The following MAP3K15 variants were observed in gnomAD, a reference collection of about 807,000 sequenced individuals.
MAP3K15 encodes the protein mitogen-activated protein kinase kinase kinase 15.
A neutral mutation model predicts 99.5 loss-of-function variants in MAP3K15; 124 were observed. The ratio of observed to expected loss-of-function variants is 1.25; its 90% CI spans 1.08 to 1.45. The LOEUF (loss-of-function observed/expected upper bound fraction) is 1.45, where lower values mean the gene tolerates loss of function less well. MAP3K15 is among the 40% of genes most tolerant of loss of function. The probability of loss-of-function intolerance (pLI) is 0.00; values close to 1 mark genes in which losing one functional copy is unlikely to be tolerated. For synonymous variants in MAP3K15, 494 were observed against 439.6 expected, an observed-to-expected ratio of 1.12 and a Z score of -1.55; for missense variants, 1,242 against 1,079.7, an observed-to-expected ratio of 1.15 and a Z score of -2.11.
intron 3 of MAP3K15, among the ~76,000 whole-genome samples, chrX:19,472,822 C>T (rs776501103): frequency 3.5e-4 from 39 of 112,116 alleles, no homozygotes; most frequent in African/African-American, 9.7e-5. Context: ...GAAATTTTGA[C>T]GTTATTCCTT....
chrX:19,380,032 G>A, intron 19 of MAP3K15, 88 bp downstream of exon 19: 1 of 973,610 alleles, frequency 1.0e-6, no homozygotes, highest in Non-Finnish European at 1.4e-6. Context: ...TCCTACCTTT[G>A]TGGAGAGGTT....
chrX:19,408,277 T>G (rs1045449528), intron 12 of MAP3K15, among the ~76,000 whole-genome samples: 6 of 111,914 alleles, frequency 5.4e-5, no homozygotes, highest in Non-Finnish European at 1.1e-4. Flanking sequence ...AAATGGCACC[T>G]AGAGGTATCT....
At chrX:19,446,057 A>C (rs1290477397) in intron 6 of MAP3K15, among the ~76,000 whole-genome samples, 2 of 112,204 alleles carry the variant, frequency 1.8e-5, no homozygotes, top group Non-Finnish European at 3.8e-5. Flanking sequence ...ATTTGAGGAA[A>C]ATTTGGCATT....
At chrX:19,489,222 G>A (rs1003446502) in intron 1 of MAP3K15, among the ~76,000 whole-genome samples, 3 of 111,530 alleles carry the variant, frequency 2.7e-5, no homozygotes, top group Non-Finnish European at 3.8e-5. Context: ...GATTTTTAAT[G>A]TTATTTTTGT....
At chrX:19,436,085 C>T (rs1259869120) in intron 6 of MAP3K15, among the ~76,000 whole-genome samples, 1 of 105,645 alleles carries the variant, frequency 9.5e-6, no homozygotes, top group Non-Finnish European at 1.9e-5. Context: ...ACCCAGGAGG[C>T]GGAGGTTGCA....
chrX:19,426,178 T>G (rs1161846547), intron 8 of MAP3K15, 53 bp downstream of exon 8: 1 of 648,494 alleles, frequency 1.5e-6, no homozygotes, highest in Non-Finnish European at 2.2e-6. Context: ...TAACTTTTAA[T>G]GCCAAACTTG....
chrX:19,446,461 A>C (rs1250707891), intron 6 of MAP3K15, among the ~76,000 whole-genome samples: 1 of 111,920 alleles, frequency 8.9e-6, no homozygotes, highest in Non-Finnish European at 1.9e-5. Flanking sequence ...TAGGTCTAGG[A>C]AAGTTTGGTG....
At position 19,426,233 on chromosome X, in the gene MAP3K15, A is replaced by G. The variant is rs2063828984; in HGVS notation, c.1277T>C (p.Ile426Thr). 1 of 1,085,060 alleles carries G rather than the reference A, an allele frequency of 9.2e-7. No individual in the cohort carries two copies. Among genetic ancestry groups the G allele is most frequent in the South Asian group, 2.2e-5 (1 of 46,419 alleles). The allele number at this position is 1,085,060 out of a possible 1,213,427, so 89.4% of individuals were successfully genotyped here. A position where few individuals can be genotyped will look rare whatever the true frequency, so the allele number is the denominator to read the frequency against. Reference protein sequence around the residue: ...QFETSLELRKIGVRLNSLLGR... With the variant: ...QFETSLELRKTGVRLNSLLGR... ...TCTGCAATAATAAGCAGCTTTACCTATTTTCCTTAGTTCCAAGGAAGTTTC... is the reference window on the plus strand; with the variant it reads ...TCTGCAATAATAAGCAGCTTTACCTGTTTTCCTTAGTTCCAAGGAAGTTTC... Residue 426 changes from isoleucine (I) to threonine (T), a missense_variant and splice_region_variant, in exon 8 of 29, where the codon ATA (isoleucine) becomes ACA (threonine). Coordinates refer to ENST00000338883, the MANE Select transcript of MAP3K15 (RefSeq NM_001001671.4).
chrX:19,371,581 G>A (rs1248991125), intron 22 of MAP3K15, 51 bp from the exon 23 acceptor site: 2 of 1,087,088 alleles, frequency 1.8e-6, no homozygotes, highest in Non-Finnish European at 1.3e-6. Context: ...GAGAGCGAGA[G>A]TTCAGAACAC....
intron 25 of MAP3K15, among the ~76,000 whole-genome samples, chrX:19,367,723 A>ACTTTTTTTTTTTTTTT (rs2063344451): frequency 4.1e-5 from 1 of 24,107 alleles, no homozygotes; most frequent in African/African-American, 1.3e-4. Flanking sequence ...ATAACTATGG[A>ACTTTTTTTTTTTTTTT]TTTTTTTTTT....
At chrX:19,388,567 G>T (rs894215803) in intron 18 of MAP3K15, among the ~76,000 whole-genome samples, 2 of 112,149 alleles carry the variant, frequency 1.8e-5, no homozygotes, top group Non-Finnish European at 3.8e-5. Context: ...ATGTGCCAGG[G>T]ACCAGTCAAA....
At chrX:19,462,507 G>A (rs1350648019) in intron 4 of MAP3K15, among the ~76,000 whole-genome samples, 1 of 112,097 alleles carries the variant, frequency 8.9e-6, no homozygotes, top group East Asian at 2.8e-4. Flanking sequence ...AGCCCGATAA[G>A]TAAAAAGTTA....
At chrX:19,476,167 C>T (rs151114527) in intron 3 of MAP3K15, among the ~76,000 whole-genome samples, 1 of 112,118 alleles carries the variant, frequency 8.9e-6, no homozygotes, top group African/African-American at 3.2e-5. Context: ...TTTAATCAGT[C>T]AACAAATGGC....
intron 3 of MAP3K15, among the ~76,000 whole-genome samples, chrX:19,464,961 G>A (rs959011246): frequency 9.0e-6 from 1 of 110,979 alleles, no homozygotes; most frequent in Non-Finnish European, 1.9e-5. Flanking sequence ...GCGCGAACAT[G>A]GCTCACTGCA....
At chrX:19,361,029 C>G (rs963546680) in intron 28 of MAP3K15, 196 bp from the exon 29 acceptor site, 3 of 420,406 alleles carry the variant, frequency 7.1e-6, no homozygotes, top group African/African-American at 4.9e-5. Flanking sequence ...TCAAATGACT[C>G]GGGAACAAGA....
intron 6 of MAP3K15, among the ~76,000 whole-genome samples, chrX:19,452,094 AG>A (rs1194652755): frequency 0.35 from 7 of 20 alleles, no homozygotes; most frequent in Non-Finnish European, 0.5. Context: ...AGAAGAGAAG[AG>A]AAGAGAAGAG....
At chrX:19,441,004 A>G (rs753762005) in intron 6 of MAP3K15, among the ~76,000 whole-genome samples, 47 of 111,738 alleles carry the variant, frequency 4.2e-4, no homozygotes, top group African/African-American at 1.5e-3. Flanking sequence ...AAACAACTCA[A>G]ATGCCCATCA....
chrX:19,515,091 C>T lies in MAP3K15; in HGVS notation c.171G>A (p.Pro57=). 5.7e-6 allele frequency: 5 copies of T among 879,117 alleles called. No individual in the cohort carries two copies. The highest frequency in any genetic ancestry group is 1.0e-4 in the East Asian group (2 of 19,214). 72.4% of individuals were successfully genotyped at this position (879,117 alleles called of 1,213,427 possible). Residue 57 remains proline, a synonymous_variant, in exon 1 of 29, where the codon CCG becomes CCA. Transcript: ENST00000338883. ...CGTATACTGCCCGCAGAGCCCGCCG[C>T]GGCCCGCCCCCACTCTCGCCCTCGC... The part of the protein sequence containing the change: ...GSGEGESGGG[P]RRALRAVYVR...
chrX:19,461,130 C>A lies in MAP3K15; in HGVS notation c.720-977G>T, dbSNP rs750111788. 2.7e-3 allele frequency among the ~76,000 whole-genome samples: 306 copies of A among 112,320 alleles called. 2 individuals carry two copies. Among genetic ancestry groups the A allele is most frequent in the Middle Eastern group, 4.6e-3 (1 of 219 alleles). ...GAGTAGCTGGGACCATAGGCGCCCG[C>A]CACCATGCCCAGTTAAATTTTTGTA... is the stretch of plus-strand genomic sequence containing the variant. On this transcript the variant is annotated intron_variant, in intron 4 of 28. Coordinates refer to ENST00000338883, the MANE Select transcript of MAP3K15 (RefSeq NM_001001671.4).
Sources: allele counts gnomAD v4.1 joint callset (sites outside exome capture counted in the v4.1 genomes callset), GRCh38; gene constraint gnomAD v4.1.1; transcripts MANE v1.5; gene names NCBI Gene and HGNC (gene_info 2026-07-23, HGNC 2026-07-21).